Variants in EPM2A observed in about 807,000 individuals in gnomAD.
EPM2A encodes laforin.
In EPM2A, 21 loss-of-function variants were observed where a neutral mutation model predicts 26.5. The ratio of observed to expected loss-of-function variants is 0.79; its 90% CI spans 0.56 to 1.14. The LOEUF is 1.14. Ranked by LOEUF, EPM2A falls within the 50% of genes most tolerant of loss-of-function variation. The pLI, the probability that EPM2A is intolerant of heterozygous loss-of-function variation, is 0.00. For missense variants in EPM2A, 458 were observed against 440.8 expected, an observed-to-expected ratio of 1.04 and a Z score of -0.35; for synonymous variants, 217 against 177.6, an observed-to-expected ratio of 1.22 and a Z score of -1.76.
chr6:145,502,471 G>T, intron 3 of EPM2A: 3 of 467,370 alleles, frequency 6.4e-6, no homozygotes, highest in Non-Finnish European at 1.3e-5. Flanking sequence ...AAGAAGAGAT[G>T]ACAGCCAGCT....
intron 4 of EPM2A, among the ~76,000 whole-genome samples, chr6:145,395,357 T>C (rs1489456959): frequency 6.6e-6 from 1 of 152,032 alleles, no homozygotes; most frequent in Non-Finnish European, 1.5e-5. Flanking sequence ...TCCCTTTTTG[T>C]CCCAAAACAA....
intron 1 of EPM2A, among the ~76,000 whole-genome samples, chr6:145,704,341 T>G (rs1782097076): frequency 6.6e-6 from 1 of 152,148 alleles, no homozygotes; most frequent in Admixed American, 6.5e-5. Flanking sequence ...ATACAAACTA[T>G]AAAAATTACA....
intron 2 of EPM2A, among the ~76,000 whole-genome samples, chr6:145,647,279 A>G (rs954397911): frequency 6.6e-6 from 1 of 152,108 alleles, no homozygotes; most frequent in African/African-American, 2.4e-5. Context: ...TAGGGCAGAT[A>G]TTTGTAATTT....
At chr6:145,720,032 A>C (rs1775868324) in intron 1 of EPM2A, among the ~76,000 whole-genome samples, 2 of 152,176 alleles carry the variant, frequency 1.3e-5, no homozygotes, top group South Asian at 2.1e-4. Flanking sequence ...TTTGGATCAT[A>C]TCTCTCAACA....
chr6:145,577,390 G>A (rs1309771096), intron 2 of EPM2A, among the ~76,000 whole-genome samples: 4 of 151,080 alleles, frequency 2.6e-5, no homozygotes, highest in South Asian at 2.1e-4. Context: ...AGAGCAGGAG[G>A]GGCTAGCATG....
At chr6:145,665,787 C>A (rs1175403350) in intron 2 of EPM2A, among the ~76,000 whole-genome samples, 1 of 119,136 alleles carries the variant, frequency 8.4e-6, no homozygotes, top group African/African-American at 3.3e-5. Flanking sequence ...CAAACCGAAT[C>A]CAGCAGCACA....
intron 2 of EPM2A, among the ~76,000 whole-genome samples, chr6:145,558,095 AG>A (rs1181583045): frequency 6.6e-6 from 1 of 152,146 alleles, no homozygotes; most frequent in Non-Finnish European, 1.5e-5. Flanking sequence ...CACAAATGAC[AG>A]GATTTCCTTC....
intron 2 of EPM2A, among the ~76,000 whole-genome samples, chr6:145,541,099 A>T (rs1298175195): frequency 6.6e-6 from 1 of 152,070 alleles, no homozygotes; most frequent in African/African-American, 2.4e-5. Context: ...ATGTCTTGTG[A>T]CCCAGAAAAA....
At chr6:145,688,040 A>G (rs1369498995) in intron 1 of EPM2A, among the ~76,000 whole-genome samples, 1 of 152,206 alleles carries the variant, frequency 6.6e-6, no homozygotes, top group Non-Finnish European at 1.5e-5. Context: ...ACTGTAAACC[A>G]TATAAGTTTT....
intron 1 of EPM2A, among the ~76,000 whole-genome samples, chr6:145,724,895 C>T (rs998662549): frequency 6.6e-6 from 1 of 151,638 alleles, no homozygotes; most frequent in Admixed American, 6.6e-5. Context: ...CCAAAAATAA[C>T]ATAGGAGAAA....
At chr6:145,705,660 C>T in intron 1 of EPM2A, 1 of 433,018 alleles carries the variant, frequency 2.3e-6, no homozygotes, top group Middle Eastern at 3.4e-4. Context: ...CATCTTCATG[C>T]TGACCATCAA....
chr6:145,629,003 T>C (rs1470601890), intron 3 of EPM2A: 1 of 152,304 alleles, frequency 6.6e-6, no homozygotes, highest in African/African-American at 2.4e-5. Context: ...CCAGGCATCA[T>C]CCTCAGCTTC....
chr6:145,490,836 C>A, intron 4 of EPM2A: 1 of 633,944 alleles, frequency 1.6e-6, no homozygotes, highest in South Asian at 1.4e-5. Flanking sequence ...TGGCCATCTT[C>A]TTCTTTAATC....
chr6:145,722,765 C>G (rs1776008658), intron 1 of EPM2A: 2 of 453,152 alleles, frequency 4.4e-6, no homozygotes. Flanking sequence ...AGGGGTGGCC[C>G]CAATCCAATA....
intron 4 of EPM2A, among the ~76,000 whole-genome samples, chr6:145,404,003 C>T (rs1264340494): frequency 4.6e-5 from 7 of 152,252 alleles, no homozygotes; most frequent in African/African-American, 1.7e-4. Context: ...ATTTGCATTT[C>T]TCTGATGACC....
chr6:145,497,241 C>T (rs572861155), downstream of EPM2A, among the ~76,000 whole-genome samples: 5 of 152,296 alleles, frequency 3.3e-5, no homozygotes, highest in African/African-American at 1.2e-4. Flanking sequence ...CATTTGGATG[C>T]GGTTTTGGGT....
chr6:145,469,415 T>C (rs1779443843), intron 4 of EPM2A, among the ~76,000 whole-genome samples: 1 of 151,946 alleles, frequency 6.6e-6, no homozygotes. Context: ...AACAATCATA[T>C]AAAAATATGC....
exon 4 of EPM2A, chr6:145,501,753 C>T (rs1779892673): frequency 2.3e-5 from 11 of 470,518 alleles, no homozygotes; most frequent in South Asian, 1.7e-4. Flanking sequence ...CACCAGTCGT[C>T]ACCCATCTGC....
intron 1 of EPM2A, among the ~76,000 whole-genome samples, chr6:145,698,278 C>A (rs1388152526): frequency 2.0e-5 from 3 of 152,158 alleles, no homozygotes; most frequent in Non-Finnish European, 4.4e-5. Flanking sequence ...AGAAAATAGA[C>A]AAATGTCCTT....
Sources: gnomAD v4.1 joint callset for allele counts (sites outside exome capture counted in the v4.1 genomes callset) on GRCh38, gnomAD v4.1.1 for gene constraint, MANE v1.5 for transcripts, NCBI Gene and HGNC (gene_info 2026-07-23, HGNC 2026-07-21) for gene names.